BBS7: variants seen among roughly 807,000 people sequenced by gnomAD.
The protein encoded by BBS7 is BBSome complex member BBS7.
BBS7 carries 50 observed loss-of-function variants against 90.3 expected under a neutral mutation model. That is an observed-to-expected ratio of 0.55 (90% confidence interval 0.44 to 0.70). BBS7 has a LOEUF of 0.70. Ranked by LOEUF, BBS7 falls within the 30% of genes least tolerant of loss-of-function variation. The pLI is 0.00. For synonymous variants in BBS7, 235 were observed against 287.4 expected (o/e 0.82, Z 1.85); for missense variants, 729 against 838.9 (o/e 0.87, Z 1.62).
At chr4:121,842,120 C>T (rs921732163) in intron 12 of BBS7, among the ~76,000 whole-genome samples, 3 of 151,474 alleles carry the variant, frequency 2.0e-5, no homozygotes, top group Non-Finnish European at 4.4e-5. Context: ...GGTGTGGTGG[C>T]GTGTGCGTGT....
At chr4:121,863,410 C>A (rs936847925) in intron 2 of BBS7, 131 bp from the exon 3 acceptor site, 30 of 724,236 alleles carry the variant, frequency 4.1e-5, no homozygotes, top group African/African-American at 3.8e-4. Flanking sequence ...AGGAAAGACA[C>A]CCCCACAAAA....
chr4:121,852,947 T>C lies in BBS7; in HGVS notation c.849+9A>G, dbSNP rs774544104. Reference sequence around the variant, plus strand: ...ATAATAAGCATATAGTCTTTTTTAATGAACTTACCTGATCAAATCGTAGAA... The same window carrying C: ...ATAATAAGCATATAGTCTTTTTTAACGAACTTACCTGATCAAATCGTAGAA... On this transcript the variant is annotated intron_variant, in intron 8 of 18. Coordinates refer to ENST00000264499, the MANE Select transcript of BBS7 (RefSeq NM_176824.3). 6.8e-6 allele frequency: 11 copies of C among 1,613,090 alleles called. No individual in the cohort carries two copies. The highest frequency in any genetic ancestry group is 1.3e-5 in the African/African-American group (1 of 74,906).
chr4:121,847,467 T>C lies in BBS7; in HGVS notation c.974A>G (p.Glu325Gly), dbSNP rs1255872676. The change falls in exon 10 of 19, where the codon GAA (glutamate) becomes GGA (glycine). Residue 325 changes from glutamate to glycine, a missense_variant. Glu to Gly is a moderately conservative substitution (Grantham distance 98). Coordinates refer to ENST00000264499, the MANE Select transcript of BBS7 (RefSeq NM_176824.3). ...TGLTTEPIHK[E>G]SGPGEELKIN... ...TTTTAGTTCTTCTCCTGGTCCACTT[T>C]CCTTATGAATGGGCTCTGTTGTCAG... 10 of 1,613,714 alleles carry C rather than the reference T, an allele frequency of 6.2e-6. No individual in the cohort carries two copies. The African/African-American group carries it at 1.2e-4, about 19-fold the overall frequency.
Position 121,867,980 on chromosome 4 carries a change from C to T in BBS7, c.102+1G>A, listed in dbSNP as rs764862220. 1 of 1,610,992 alleles carries T rather than the reference C, an allele frequency of 6.2e-7. No individual in the cohort carries two copies. The highest frequency in any genetic ancestry group is 1.7e-5 in the Admixed American group (1 of 60,006). ...TGGAGAAATCAGAATCTATACAGTACCTTTTGTGTAGCTCTGTGTCTTGAG... is the reference window on the plus strand; with the variant it reads ...TGGAGAAATCAGAATCTATACAGTATCTTTTGTGTAGCTCTGTGTCTTGAG... On this transcript the variant is annotated splice_donor_variant, in intron 2 of 18. Transcript: ENST00000264499. LOFTEE classifies it high-confidence loss of function.
intron 1 of BBS7, 79 bp from the exon 2 acceptor site, chr4:121,868,125 T>C (rs1727385879): frequency 1.8e-6 from 2 of 1,125,308 alleles, no homozygotes; most frequent in Admixed American, 1.7e-5. Context: ...GTGAACCTTT[T>C]TGTTAAACTG....
intron 7 of BBS7, 119 bp from the exon 8 acceptor site, chr4:121,853,205 G>A (rs1726418170): frequency 9.9e-7 from 1 of 1,013,676 alleles, no homozygotes; most frequent in Non-Finnish European, 1.5e-6. Context: ...AAAAAACTTT[G>A]ACCAAAATCA....
chr4:121,852,528 G>A (rs1457456681), intron 8 of BBS7, among the ~76,000 whole-genome samples: 1 of 152,014 alleles, frequency 6.6e-6, no homozygotes, highest in Non-Finnish European at 1.5e-5. Context: ...GTGGGTAGGA[G>A]TGAAACTGCT....
chr4:121,827,189 G>T (rs1724955976), intron 18 of BBS7, among the ~76,000 whole-genome samples: 1 of 152,154 alleles, frequency 6.6e-6, no homozygotes, highest in Non-Finnish European at 1.5e-5. Flanking sequence ...AAGGATAAAA[G>T]AGATCATGTG....
Position 121,825,295 on chromosome 4 carries a change from A to T in BBS7, c.*565T>A, listed in dbSNP as rs927859445. On this transcript the variant is annotated 3_prime_UTR_variant, in exon 19 of 19. Coordinates refer to ENST00000264499, the MANE Select transcript of BBS7 (RefSeq NM_176824.3). ...TCCTAGAAAAAACAATTGGTAGGTT[A>T]TTTCCACTAGCTGGCAACATACATA... 6.6e-6 allele frequency: 1 copy of T among 152,304 alleles called. No homozygotes were observed. Among genetic ancestry groups the T allele is most frequent in the African/African-American group, 2.4e-5 (1 of 41,456 alleles). The allele number at this position is 152,304 out of a possible 1,614,324, so 9.4% of individuals were successfully genotyped here.
Position 121,828,180 on chromosome 4 carries a change from G to GTAT in BBS7, c.1977_1979dup (p.Glu659_Tyr660insTer). On this transcript the variant is annotated stop_gained, in exon 18 of 19. Coordinates refer to ENST00000264499, the MANE Select transcript of BBS7 (RefSeq NM_176824.3). LOFTEE classifies it high-confidence loss of function. ...TTTCAAGATGTGCAGGTTGCTTTTT[G>GTAT]TATTCTTCCTGTAGGTGATCTGCCT... 1 of 1,613,780 alleles carries GTAT rather than the reference G, an allele frequency of 6.2e-7. No individual in the cohort carries two copies. The highest frequency in any genetic ancestry group is 8.5e-7 in the Non-Finnish European group (1 of 1,179,840).
intron 2 of BBS7, among the ~76,000 whole-genome samples, chr4:121,867,209 ATTTC>A (rs1252080397): frequency 6.6e-6 from 1 of 151,372 alleles, no homozygotes; most frequent in Non-Finnish European, 1.5e-5. Flanking sequence ...TGTGTTCTTG[ATTTC>A]TTTTTCAGCT....
Position 121,828,386 on chromosome 4 carries a change from C to T in BBS7, c.1890+16G>A, listed in dbSNP as rs1507994. On this transcript the variant is annotated intron_variant, in intron 17 of 18. Coordinates refer to ENST00000264499, the MANE Select transcript of BBS7 (RefSeq NM_176824.3). ...TCAAATAATAATCACCAGTCCACGACGACACATGTACTTACTTTTAAAGCA... is the reference window on the plus strand; with the variant it reads ...TCAAATAATAATCACCAGTCCACGATGACACATGTACTTACTTTTAAAGCA... The T allele has an allele frequency of 0.34, 548,821 of 1,603,450 alleles. 97,057 individuals are homozygous for T. The highest frequency in any genetic ancestry group is 0.55 in the African/African-American group (40,919 of 74,686).
rs760247807 is a variant in BBS7, at chr4:121,845,513, G to T, written c.1221C>A (p.Val407=). ...TAGACATTTTGCTTACCTGTATTAA[G>T]ACATTATCTATTGCAGTCTGTACCT... ...ILEVQTAIDN[V]LIQSDVPIDL... Residue 407 remains valine (V), a synonymous_variant, in exon 11 of 19, where the codon GTC becomes GTA. Transcript: ENST00000264499. 9 of 1,611,086 alleles carry T rather than the reference G, an allele frequency of 5.6e-6. No homozygotes were observed. The highest frequency in any genetic ancestry group is 1.3e-5 in the African/African-American group (1 of 74,810).
intron 10 of BBS7, among the ~76,000 whole-genome samples, chr4:121,846,754 A>C (rs1338900909): frequency 1.3e-5 from 2 of 152,172 alleles, no homozygotes; most frequent in East Asian, 3.8e-4. Context: ...CTGCCTTAAA[A>C]GTTTCTGTAG....
At chr4:121,829,425 T>TG (rs953943240) in intron 15 of BBS7, among the ~76,000 whole-genome samples, 37 of 152,150 alleles carry the variant, frequency 2.4e-4, no homozygotes, top group Admixed American at 2.0e-3. Context: ...TGAGTAGAGA[T>TG]GGGGGTCTCA....
At chr4:121,832,923 C>T (rs1244091847) in intron 15 of BBS7, among the ~76,000 whole-genome samples, 2 of 151,806 alleles carry the variant, frequency 1.3e-5, no homozygotes, top group Non-Finnish European at 2.9e-5. Context: ...TAAGAATATT[C>T]CTACAGATTT....
intron 14 of BBS7, among the ~76,000 whole-genome samples, chr4:121,833,878 C>T (rs1254108288): frequency 6.6e-6 from 1 of 151,904 alleles, no homozygotes; most frequent in Non-Finnish European, 1.5e-5. Context: ...ATTTCTACTA[C>T]ATAAACTACA....
chr4:121,869,607 C>T (rs1049260137), intron 1 of BBS7, among the ~76,000 whole-genome samples: 3 of 152,166 alleles, frequency 2.0e-5, no homozygotes, highest in Non-Finnish European at 2.9e-5. Flanking sequence ...GGCATGATGT[C>T]AGCTCACTGC....
chr4:121,829,701 G>A (rs1725090613), intron 15 of BBS7, among the ~76,000 whole-genome samples: 1 of 152,180 alleles, frequency 6.6e-6, no homozygotes, highest in South Asian at 2.1e-4. Context: ...GTGGTTCATG[G>A]CTTAACAATG....
Sources: allele counts gnomAD v4.1 joint callset (sites outside exome capture counted in the v4.1 genomes callset), GRCh38; gene constraint gnomAD v4.1.1; transcripts MANE v1.5; gene names NCBI Gene and HGNC (gene_info 2026-07-23, HGNC 2026-07-21).